The following SERPINB7 variants were observed in gnomAD, a reference collection of about 807,000 sequenced individuals.
SERPINB7 encodes the protein serpin family B member 7.
A neutral mutation model predicts 37.4 loss-of-function variants in SERPINB7; 31 were observed. The observed-to-expected ratio is 0.83, with a 90% confidence interval of 0.62 to 1.12. The LOEUF (loss-of-function observed/expected upper bound fraction) is 1.12, where lower values mean the gene tolerates loss of function less well. Among genes scored for constraint, SERPINB7 ranks in the 50% most tolerant of loss-of-function variants. The pLI, the probability that SERPINB7 is intolerant of heterozygous loss-of-function variation, is 0.00. For synonymous variants in SERPINB7, 163 were observed against 166.1 expected, an observed-to-expected ratio of 0.98 and a Z score of 0.14; for missense variants, 521 against 455.3, an observed-to-expected ratio of 1.14 and a Z score of -1.31.
chr18:63,777,567 C>G (rs1168004539), intron 1 of SERPINB7, among the ~76,000 whole-genome samples: 2 of 152,018 alleles, frequency 1.3e-5, no homozygotes, highest in South Asian at 4.2e-4. Context: ...ACATTTCATG[C>G]TAAAATTTGA....
At chr18:63,784,715 T>C (rs1568208670) in intron 2 of SERPINB7, among the ~76,000 whole-genome samples, 1 of 152,170 alleles carries the variant, frequency 6.6e-6, no homozygotes, top group Non-Finnish European at 1.5e-5. Context: ...TCCTCACCTG[T>C]GCACGGAGGA....
intron 2 of SERPINB7, among the ~76,000 whole-genome samples, chr18:63,791,466 G>T (rs2144628952): frequency 6.6e-6 from 1 of 152,154 alleles, no homozygotes; most frequent in East Asian, 1.9e-4. Flanking sequence ...GGAAAATCTG[G>T]TAGGTAAAAC....
intron 1 of SERPINB7, among the ~76,000 whole-genome samples, chr18:63,769,032 A>G (rs1344033510): frequency 1.3e-5 from 2 of 152,180 alleles, no homozygotes. Context: ...GTTTTTAGCT[A>G]TCGTGAATGA....
At chr18:63,761,836 T>A (rs2049155925) in intron 1 of SERPINB7, among the ~76,000 whole-genome samples, 1 of 152,072 alleles carries the variant, frequency 6.6e-6, no homozygotes, top group Non-Finnish European at 1.5e-5. Context: ...TCAATTAAAC[T>A]TTTTTTTCTT....
At chr18:63,788,344 CA>C (rs955757516) in intron 2 of SERPINB7, among the ~76,000 whole-genome samples, 1 of 151,704 alleles carries the variant, frequency 6.6e-6, no homozygotes, top group South Asian at 2.1e-4. Flanking sequence ...TACTTATTCA[CA>C]AAAAAGTTTA....
At chr18:63,783,281 A>AGAAG (rs1568208077) in intron 2 of SERPINB7, among the ~76,000 whole-genome samples, 3 of 149,194 alleles carry the variant, frequency 2.0e-5, no homozygotes, top group African/African-American at 7.3e-5. Context: ...AAAGAAAGAA[A>AGAAG]GAAAGAAAGA....
Position 63,783,186 on chromosome 18 carries a change from AAGAG to A in SERPINB7, c.168+692_168+695del, listed in dbSNP as rs1200340375. On this transcript the variant is annotated intron_variant, in intron 2 of 7. Transcript: ENST00000398019. ...CAAAAAGAAAATAAAGAAAGAAAGA[AAGAG>A]AGAGAGAGAGAGAGAGAGAGAGAGA... Among the ~76,000 whole-genome samples, 515 of 75,202 alleles carry A rather than the reference AAGAG, an allele frequency of 6.8e-3. 5 individuals are homozygous for A. The highest frequency in any genetic ancestry group is 9.1e-3 in the Non-Finnish European group (342 of 37,552). The allele number at this position is 75,202 out of a possible 152,430, so 49.3% of individuals were successfully genotyped here.
intron 1 of SERPINB7, among the ~76,000 whole-genome samples, chr18:63,770,010 C>T (rs1247826623): frequency 1.3e-5 from 2 of 149,706 alleles, no homozygotes; most frequent in African/African-American, 2.5e-5. Flanking sequence ...TCTGTGTCTG[C>T]AGTCACCATC....
At chr18:63,800,221 T>TTTTTA (rs2049532972) in intron 6 of SERPINB7, among the ~76,000 whole-genome samples, 1 of 151,708 alleles carries the variant, frequency 6.6e-6, no homozygotes, top group Admixed American at 6.6e-5. Context: ...ACCCAGCTGT[T>TTTTTA]TTTTATTTTA....
chr18:63,766,702 C>T (rs767569984), intron 1 of SERPINB7, among the ~76,000 whole-genome samples: 2 of 152,070 alleles, frequency 1.3e-5, no homozygotes, highest in Non-Finnish European at 2.9e-5. Flanking sequence ...TTATGATCTC[C>T]CAACTTAAAA....
At chr18:63,772,040 A>C (rs1302210060), upstream of SERPINB7, among the ~76,000 whole-genome samples, 2 of 151,862 alleles carry the variant, frequency 1.3e-5, no homozygotes, top group African/African-American at 4.8e-5. Flanking sequence ...GTCGGCAGGG[A>C]CGTTGTATAG....
At chr18:63,755,239 C>A (rs1027854308) in intron 1 of SERPINB7, among the ~76,000 whole-genome samples, 46 of 152,110 alleles carry the variant, frequency 3.0e-4, no homozygotes, top group African/African-American at 9.9e-4. Context: ...GTGTTTCAGG[C>A]TATAGTTAGA....
At chr18:63,760,108 C>CT (rs1279624659) in intron 1 of SERPINB7, among the ~76,000 whole-genome samples, 1 of 152,094 alleles carries the variant, frequency 6.6e-6, no homozygotes, top group East Asian at 1.9e-4. Flanking sequence ...TTGGAACTTC[C>CT]TAGAGACTTG....
rs145210565 is a variant in SERPINB7 at position 63,758,864 on chromosome 18, G to A, written c.-19+5744G>A. The stretch of plus-strand genomic sequence containing the variant: ...TCACAGAGTCCAAGTGTACTAAAGC[G>A]TGAAGAGCAAGAACTGTGCTGAGTG... On this transcript the variant is annotated intron_variant, in intron 1 of 7. Coordinates refer to the SERPINB7 transcript ENST00000336429. Among the ~76,000 whole-genome samples the A allele has an allele frequency of 3.9e-3, 598 of 152,338 alleles. 7 individuals carry two copies. The highest frequency in any genetic ancestry group is 0.013 in the African/African-American group (546 of 41,584).
upstream of SERPINB7, among the ~76,000 whole-genome samples, chr18:63,771,018 T>A (rs933854805): frequency 1.5e-5 from 2 of 133,286 alleles, no homozygotes; most frequent in South Asian, 5.2e-4. Flanking sequence ...TTCCAAAAGA[T>A]GTGCATGCAG....
intron 2 of SERPINB7, 131 bp downstream of exon 2, chr18:63,782,671 C>G (rs956173115): frequency 1.2e-6 from 1 of 818,196 alleles, no homozygotes; most frequent in African/African-American, 1.7e-5. Context: ...CACATCTCCA[C>G]GAGGCCCTCT....
At chr18:63,799,960 A>G (rs1166640194) in intron 6 of SERPINB7, among the ~76,000 whole-genome samples, 9 of 152,232 alleles carry the variant, frequency 5.9e-5, no homozygotes, top group Non-Finnish European at 8.8e-5. Flanking sequence ...TATTCTCAAG[A>G]TAAGAGCTAC....
rs867934828 is a variant in SERPINB7 at position 63,783,244 on chromosome 18, A to G, written c.168+704A>G. Among the ~76,000 whole-genome samples the G allele has an allele frequency of 1.9e-3, 217 of 112,464 alleles. 1 individual carries two copies. Among genetic ancestry groups the G allele is most frequent in the Non-Finnish European group, 3.0e-3 (146 of 48,668 alleles). 73.8% of individuals were successfully genotyped at this position (112,464 alleles called of 152,430 possible). A position where few individuals can be genotyped will look rare whatever the true frequency, so the allele number is the denominator to read the frequency against. ...AGAGAGAGAGAGAGAGAAAGAAAGA[A>G]AGAAAGAAAGAAAGAAAGAAAGAAA... is the stretch of plus-strand genomic sequence containing the variant. On this transcript the variant is annotated intron_variant, in intron 2 of 7. Transcript: ENST00000398019.
chr18:63,780,237 AT>A (rs879275055), intron 1 of SERPINB7, among the ~76,000 whole-genome samples: 15 of 152,180 alleles, frequency 9.9e-5, no homozygotes, highest in Non-Finnish European at 1.6e-4. Context: ...AGCCTTGGAA[AT>A]TCTTTAGGAT....
Sources: allele counts gnomAD v4.1 joint callset (sites outside exome capture counted in the v4.1 genomes callset), GRCh38; gene constraint gnomAD v4.1.1; transcripts MANE v1.5; gene names NCBI Gene and HGNC (gene_info 2026-07-23, HGNC 2026-07-21).